ZNF728: variants seen among roughly 807,000 people sequenced by gnomAD.
The protein encoded by ZNF728 is zinc finger protein 728.
A neutral mutation model predicts 12.5 loss-of-function variants in ZNF728; 12 were observed. The ratio of observed to expected loss-of-function variants is 0.96; its 90% CI spans 0.61 to 1.55. The LOEUF (loss-of-function observed/expected upper bound fraction) is 1.55, where lower values mean the gene tolerates loss of function less well. Among genes scored for constraint, ZNF728 ranks in the 40% most tolerant of loss-of-function variants. The pLI, the probability that ZNF728 is intolerant of heterozygous loss-of-function variation, is 0.00. For missense variants in ZNF728, 692 were observed against 719.2 expected (o/e 0.96, Z 0.43); for synonymous variants, 205 against 240.7 (o/e 0.85, Z 1.37).
chr19:22,979,572 C>G (rs1203955085), intron 3 of ZNF728, among the ~76,000 whole-genome samples: 2 of 152,020 alleles, frequency 1.3e-5, no homozygotes, highest in Non-Finnish European at 2.9e-5. Flanking sequence ...GTCAGATTCA[C>G]CAAGGTTGAA....
In ZNF728 at chr19:22,976,349, G is replaced by A. The variant is rs761997187; in HGVS notation, c.988C>T (p.His330Tyr). Residue 330 changes from histidine (H) to tyrosine (Y), a missense_variant, in exon 4 of 4, where the codon CAT (histidine) becomes TAT (tyrosine). Transcript: ENST00000594710. ...AFNRSSNLME[H>Y]KRIHTGEKPC... ...TTCTCTCCAGTATGAATTCTCTTAT[G>A]TTCCATAAGGTTTGAGGACCGGTTG... 1.2e-6 allele frequency: 2 copies of A among 1,612,130 alleles called. No homozygotes were observed. Among genetic ancestry groups the A allele is most frequent in the Admixed American group, 1.7e-5 (1 of 59,822 alleles).
intron 1 of ZNF728, among the ~76,000 whole-genome samples, chr19:22,993,126 C>A (rs900442232): frequency 6.6e-6 from 1 of 152,202 alleles, no homozygotes; most frequent in African/African-American, 2.4e-5. Flanking sequence ...ATTCTGCCAT[C>A]AGATTCTATT....
intron 2 of ZNF728, 142 bp downstream of exon 2, chr19:22,988,183 G>A: frequency 6.9e-7 from 1 of 1,453,558 alleles, no homozygotes; most frequent in Admixed American, 2.3e-5. Context: ...GAAGCAAAGA[G>A]CCCCCTGGTG....
chr19:22,987,296 A>G lies in ZNF728; in HGVS notation c.226+12T>C. ...CCTCTCATCCATGTTGTCTGTATTC[A>G]TTCTCACCTACCTGGCGGTTCTTTC... On this transcript the variant is annotated intron_variant, in intron 3 of 3. Coordinates refer to ENST00000594710, the MANE Select transcript of ZNF728 (RefSeq NM_001267716.2). 6.2e-7 allele frequency: 1 copy of G among 1,608,820 alleles called. No homozygotes were observed. Among genetic ancestry groups the G allele is most frequent in the South Asian group, 1.1e-5 (1 of 90,280 alleles).
rs1158997303 is a variant in ZNF728 at position 22,975,069 on chromosome 19, C to T, written c.*399G>A. On this transcript the variant is annotated 3_prime_UTR_variant, in exon 4 of 4. Coordinates refer to ENST00000594710, the MANE Select transcript of ZNF728 (RefSeq NM_001267716.2). The stretch of plus-strand genomic sequence containing the variant: ...CATTCTTCACATTTCTAGGATTTCT[C>T]ACCAGTATGATTTCTTTTATATTCA... Among the ~76,000 whole-genome samples, 1 of 152,202 alleles carries T rather than the reference C, an allele frequency of 6.6e-6. No individual in the cohort carries two copies. Among genetic ancestry groups the T allele is most frequent in the Non-Finnish European group, 1.5e-5 (1 of 68,038 alleles).
rs188634259 is a variant in ZNF728 at position 22,987,754 on chromosome 19, T to C, written c.131-351A>G. 6.6e-5 allele frequency among the ~76,000 whole-genome samples: 10 copies of C among 152,252 alleles called. No homozygotes were observed. In the East Asian group the frequency reaches 1.9e-3, roughly 29 times the overall value. On this transcript the variant is annotated intron_variant, in intron 2 of 3. Transcript: ENST00000594710. ...GGTCAAGATGAAACATCTTGAAATTTTTTTCTCTATGGAAAAATCCCTATG... is the reference window on the plus strand; with the variant it reads ...GGTCAAGATGAAACATCTTGAAATTCTTTTCTCTATGGAAAAATCCCTATG...
rs749093365 is a variant in ZNF728, at chr19:22,975,548, A to G, written c.1789T>C (p.Cys597Arg). 1 of 1,583,616 alleles carries G rather than the reference A, an allele frequency of 6.3e-7. No homozygotes were observed. The highest frequency in any genetic ancestry group is 1.1e-5 in the South Asian group (1 of 87,744). Reference sequence around the variant, plus strand: ...GAGGATTGGTTGAAGTCTTTACCACATTCTTCACATTTGTAGAATTTCTTT... The same window carrying G: ...GAGGATTGGTTGAAGTCTTTACCACGTTCTTCACATTTGTAGAATTTCTTT... Reference protein sequence around the residue: ...AGKKFYKCEECGKDFNQSSHL... With the variant: ...AGKKFYKCEERGKDFNQSSHL... Residue 597 changes from cysteine (C) to arginine (R), a missense_variant, in exon 4 of 4, where the codon TGT (cysteine) becomes CGT (arginine). Cys to Arg is a radical substitution (Grantham distance 180). Coordinates refer to ENST00000594710, the MANE Select transcript of ZNF728 (RefSeq NM_001267716.2).
intron 1 of ZNF728, among the ~76,000 whole-genome samples, chr19:22,990,703 A>AGGG: frequency 6.6e-6 from 1 of 152,058 alleles, no homozygotes; most frequent in Non-Finnish European, 1.5e-5. Context: ...TTCTGGCCTC[A>AGGG]CCTTAGAGTC....
Position 22,977,038 on chromosome 19 carries a change from A to C in ZNF728, c.299T>G (p.Leu100Trp). The C allele has an allele frequency of 1.9e-6, 3 of 1,613,134 alleles. No individual in the cohort carries two copies. The highest frequency in any genetic ancestry group is 2.5e-6 in the Non-Finnish European group (3 of 1,179,682). The part of the protein sequence containing the change: ...GREDSFQKVI[L>W]RRYEKCGHEN... ...ATGTCCACATTTTTCATATCTTCTCAATATCACTTTTTGGAAAGAATCTTC... is the reference window on the plus strand; with the variant it reads ...ATGTCCACATTTTTCATATCTTCTCCATATCACTTTTTGGAAAGAATCTTC... Residue 100 changes from leucine to tryptophan, a missense_variant, in exon 4 of 4, where the codon TTG (leucine) becomes TGG (tryptophan). Around this residue, in one of 3 missense-constraint regions of ZNF728, gnomAD observed 440 missense variants for 459.6 expected, o/e 0.96. Coordinates refer to ENST00000594710, the MANE Select transcript of ZNF728 (RefSeq NM_001267716.2).
At chr19:22,989,216 TA>T (rs1341473954) in intron 1 of ZNF728, among the ~76,000 whole-genome samples, 4 of 131,204 alleles carry the variant, frequency 3.0e-5, no homozygotes, top group African/African-American at 1.1e-4. Flanking sequence ...TGCAGATTAT[TA>T]TTTTTTTTTT....
chr19:22,994,758 GCTAT>G (rs533096785), intron 1 of ZNF728, among the ~76,000 whole-genome samples: 6 of 152,310 alleles, frequency 3.9e-5, no homozygotes, highest in African/African-American at 1.4e-4. Context: ...TGATTCGGGT[GCTAT>G]CTTTTTGGCT....
chr19:23,000,556 C>A (rs1008775566), intron 1 of ZNF728, among the ~76,000 whole-genome samples: 1 of 151,964 alleles, frequency 6.6e-6, no homozygotes, highest in East Asian at 1.9e-4. Flanking sequence ...TAATAAAATG[C>A]AATTTACAGT....
intron 1 of ZNF728, among the ~76,000 whole-genome samples, chr19:22,991,942 T>C (rs976278904): frequency 1.4e-4 from 21 of 152,360 alleles, no homozygotes; most frequent in African/African-American, 4.8e-4. Flanking sequence ...GTGAATTTTA[T>C]ATTATATGCT....
Position 23,003,036 on chromosome 19 carries a change from G to A in ZNF728, c.-6C>T, listed in dbSNP as rs558452009. The A allele has an allele frequency of 6.9e-6, 11 of 1,583,452 alleles. No individual in the cohort carries two copies. The highest frequency in any genetic ancestry group is 9.4e-6 in the Non-Finnish European group (11 of 1,165,024). ...GGACCCGGCTGACTCACCATTTCTA[G>A]GCTTCCGGGGGTCCTGGCGACTTAG... On this transcript the variant is annotated 5_prime_UTR_variant, in exon 1 of 4. Transcript: ENST00000594710.
chr19:22,980,537 G>C (rs138923686), intron 3 of ZNF728, among the ~76,000 whole-genome samples: 1,739 of 152,234 alleles, frequency 0.011, 16 homozygotes, highest in Non-Finnish European at 0.018. Flanking sequence ...AGACCTAACA[G>C]ACATCTACAG....
chr19:22,977,028 A>G lies in ZNF728; in HGVS notation c.309T>C (p.Tyr103=), dbSNP rs530282018. ...DSFQKVILRR[Y]EKCGHENLQL... is the part of the protein sequence containing the mutation. Reference sequence around the variant, plus strand: ...GTAAATTCTCATGTCCACATTTTTCATATCTTCTCAATATCACTTTTTGGA... The same window carrying G: ...GTAAATTCTCATGTCCACATTTTTCGTATCTTCTCAATATCACTTTTTGGA... Residue 103 remains tyrosine (Y), a synonymous_variant, in exon 4 of 4, where the codon TAT becomes TAC. Coordinates refer to ENST00000594710, the MANE Select transcript of ZNF728 (RefSeq NM_001267716.2). The G allele has an allele frequency of 1.2e-5, 19 of 1,613,344 alleles. No individual in the cohort carries two copies. The highest frequency in any genetic ancestry group is 9.3e-5 in the African/African-American group (7 of 75,038).
chr19:22,990,420 C>A (rs1968974354), intron 1 of ZNF728, among the ~76,000 whole-genome samples: 1 of 152,062 alleles, frequency 6.6e-6, no homozygotes, highest in Non-Finnish European at 1.5e-5. Context: ...GCAGAAGGAC[C>A]AAGACAGAAA....
In ZNF728 at chr19:23,003,011, G is replaced by C. The variant is rs752220171; in HGVS notation, c.3+17C>G. On this transcript the variant is annotated intron_variant, in intron 1 of 3. Coordinates refer to ENST00000594710, the MANE Select transcript of ZNF728 (RefSeq NM_001267716.2). Reference sequence around the variant, plus strand: ...GCGGCTGCCACTCTCTCGGGATGTCGGACCCGGCTGACTCACCATTTCTAG... The same window carrying C: ...GCGGCTGCCACTCTCTCGGGATGTCCGACCCGGCTGACTCACCATTTCTAG... The C allele has an allele frequency of 6.3e-7, 1 of 1,583,972 alleles. No homozygotes were observed. The highest frequency in any genetic ancestry group is 8.6e-7 in the Non-Finnish European group (1 of 1,165,654).
intron 1 of ZNF728, among the ~76,000 whole-genome samples, chr19:22,997,387 G>A (rs1439238905): frequency 6.6e-6 from 1 of 151,958 alleles, no homozygotes; most frequent in African/African-American, 2.4e-5. Context: ...AAATTAAATG[G>A]CCTACACCTA....
Sources: allele counts gnomAD v4.1 joint callset (sites outside exome capture counted in the v4.1 genomes callset), GRCh38; gene constraint gnomAD v4.1.1; regional missense constraint gnomAD v4.1.1; transcripts MANE v1.5; gene names NCBI Gene and HGNC (gene_info 2026-07-23, HGNC 2026-07-21).